The following FLOT1 variants were observed in gnomAD, a reference collection of about 807,000 sequenced individuals.
FLOT1 encodes flotillin 1.
A neutral mutation model predicts 58.4 loss-of-function variants in FLOT1; 40 were observed. The ratio of observed to expected loss-of-function variants is 0.69; its 90% CI spans 0.53 to 0.89. The LOEUF is 0.89. FLOT1 is among the 40% of genes least tolerant of loss of function. The pLI, the probability that FLOT1 is intolerant of heterozygous loss-of-function variation, is 0.00. For synonymous variants in FLOT1, 178 were observed against 204.2 expected (o/e 0.87, Z 1.09); for missense variants, 423 against 540.8 (o/e 0.78, Z 2.16).
chr6:30,737,246 G>GTCCGTCCGTCCA lies in FLOT1; in HGVS notation c.723+2911_723+2912insTGGACGGACGGA, dbSNP rs1554208614. On this transcript the variant is annotated intron_variant, in intron 8 of 12. Coordinates refer to ENST00000376389, the MANE Select transcript of FLOT1 (RefSeq NM_005803.4). This position sits in a 1 kb window ranked among gnomAD's most constrained non-coding sequence, Gnocchi z 4.4. Reference sequence around the variant, plus strand: ...CGTCCGTCCGTCCGTCCGTCCGTCCGTCCATCCGTCCATCCATCCATCCAT... The same window carrying GTCCGTCCGTCCA: ...CGTCCGTCCGTCCGTCCGTCCGTCCGTCCGTCCGTCCATCCATCCGTCCATCCATCCATCCAT... Among the ~76,000 whole-genome samples, 2 of 145,296 alleles carry GTCCGTCCGTCCA rather than the reference G, an allele frequency of 1.4e-5. No individual in the cohort carries two copies. Among genetic ancestry groups the GTCCGTCCGTCCA allele is most frequent in the Non-Finnish European group, 3.0e-5 (2 of 65,848 alleles).
chr6:30,731,485 C>CAAA (rs35667527), intron 8 of FLOT1, among the ~76,000 whole-genome samples: 6,397 of 83,474 alleles, frequency 0.077, 352 homozygotes, highest in African/African-American at 0.18. Context: ...ACTCCATCTC[C>CAAA]AAAAAAAAAA....
intron 12 of FLOT1, among the ~76,000 whole-genome samples, chr6:30,728,939 G>A (rs746695367): frequency 1.5e-4 from 23 of 151,658 alleles, no homozygotes; most frequent in Non-Finnish European, 2.8e-4. Context: ...ACACCGCCAC[G>A]CCCGGCTGTT....
chr6:30,730,224 T>G (rs919735765), intron 11 of FLOT1, 38 bp from the exon 12 acceptor site: 4 of 1,607,104 alleles, frequency 2.5e-6, no homozygotes, highest in African/African-American at 1.3e-5. Flanking sequence ...GCCCATGATC[T>G]GACCACATTC....
At chr6:30,730,352 A>G in intron 11 of FLOT1, 76 bp downstream of exon 11, 1 of 1,520,248 alleles carries the variant, frequency 6.6e-7, no homozygotes. Context: ...GTTTCTCCCT[A>G]AGCCCCTCAC....
chr6:30,729,987 T>C (rs1472797405), intron 12 of FLOT1, 35 bp downstream of exon 12: 3 of 1,602,116 alleles, frequency 1.9e-6, no homozygotes, highest in African/African-American at 1.4e-5. Flanking sequence ...CACAGGAACC[T>C]AGCAATTCTC....
intron 7 of FLOT1, 24 bp from the exon 8 acceptor site, chr6:30,740,334 G>A: frequency 6.2e-7 from 1 of 1,612,680 alleles, no homozygotes. Context: ...GATCAGGTAG[G>A]AAATGTCAGG....
chr6:30,729,955 C>T, intron 12 of FLOT1, 67 bp downstream of exon 12: 1 of 1,446,366 alleles, frequency 6.9e-7, no homozygotes, highest in Non-Finnish European at 9.7e-7. Context: ...TGGTTAAATG[C>T]TAGGCATACT....
Position 30,740,576 on chromosome 6 carries a change from A to G in FLOT1, c.490T>C (p.Leu164=). 1 of 1,612,964 alleles carries G rather than the reference A, an allele frequency of 6.2e-7. No individual in the cohort carries two copies. The highest frequency in any genetic ancestry group is 8.5e-7 in the Non-Finnish European group (1 of 1,180,008). ...IHDDQDYLHS[L]GKARTAQVQK... ...ACTTGAGCTGTTCGAGCCTTCCCCA[A>G]AGAGTGCAAATAGTCCTGTGGGAGA... The change falls in exon 7 of 13, where the codon TTG becomes CTG. Residue 164 remains leucine, a synonymous_variant. Coordinates refer to ENST00000376389, the MANE Select transcript of FLOT1 (RefSeq NM_005803.4).
In FLOT1 at chr6:30,737,254, G is replaced by GTCCATCCATCCATCCATCCATCCATCCA. The variant is rs1207078482; in HGVS notation, c.723+2903_723+2904insTGGATGGATGGATGGATGGATGGATGGA. 1.0e-4 allele frequency among the ~76,000 whole-genome samples: 15 copies of GTCCATCCATCCATCCATCCATCCATCCA among 143,232 alleles called. No homozygotes were observed. Among genetic ancestry groups the GTCCATCCATCCATCCATCCATCCATCCA allele is most frequent in the African/African-American group, 3.8e-4 (15 of 39,972 alleles). The allele number at this position is 143,232 out of a possible 152,430, so 94.0% of individuals were successfully genotyped here. A position where few individuals can be genotyped will look rare whatever the true frequency, so the allele number is the denominator to read the frequency against. ...CGTCCGTCCGTCCGTCCGTCCATCC[G>GTCCATCCATCCATCCATCCATCCATCCA]TCCATCCATCCATCCATATATCTAT... On this transcript the variant is annotated intron_variant, in intron 8 of 12. Transcript: ENST00000376389. This position sits in a 1 kb window ranked among gnomAD's most constrained non-coding sequence, Gnocchi z 4.4.
chr6:30,736,686 C>T (rs1177824164), intron 8 of FLOT1, among the ~76,000 whole-genome samples: 2 of 150,758 alleles, frequency 1.3e-5, no homozygotes, highest in East Asian at 2.0e-4. Flanking sequence ...CTCCGCCTCC[C>T]GGGTTTATGC....
Position 30,737,442 on chromosome 6 carries a change from T to C in FLOT1, c.723+2716A>G, listed in dbSNP as rs1014314292. On this transcript the variant is annotated intron_variant, in intron 8 of 12. Coordinates refer to ENST00000376389, the MANE Select transcript of FLOT1 (RefSeq NM_005803.4). This position sits in a 1 kb window ranked among gnomAD's most constrained non-coding sequence, Gnocchi z 4.4. ...CGGCTAATATTTTTTGTATTTTTGG[T>C]AGAGACAGGGTTTCACTGTTGGCCA... Among the ~76,000 whole-genome samples, 2 of 152,110 alleles carry C rather than the reference T, an allele frequency of 1.3e-5. No individual in the cohort carries two copies. Among genetic ancestry groups the C allele is most frequent in the Non-Finnish European group, 2.9e-5 (2 of 68,018 alleles).
At chr6:30,729,733 C>T (rs1246079085) in intron 12 of FLOT1, among the ~76,000 whole-genome samples, 2 of 152,216 alleles carry the variant, frequency 1.3e-5, no homozygotes, top group African/African-American at 4.8e-5. Flanking sequence ...ACCACAAGCA[C>T]AGGTTGCAGA....
chr6:30,739,993 G>A (rs1777851014), intron 8 of FLOT1, among the ~76,000 whole-genome samples, 165 bp downstream of exon 8: 1 of 152,200 alleles, frequency 6.6e-6, no homozygotes, highest in African/African-American at 2.4e-5. Flanking sequence ...CAGCTGTAAC[G>A]TCTGAGTCTT....
chr6:30,734,865 AC>A (rs1056695928), intron 8 of FLOT1, among the ~76,000 whole-genome samples: 2 of 151,962 alleles, frequency 1.3e-5, no homozygotes, highest in South Asian at 4.2e-4. Flanking sequence ...GATTACAGTC[AC>A]CATTTCAGCT....
Position 30,742,214 on chromosome 6 carries a change from G to C in FLOT1, c.-14-11C>G, listed in dbSNP as rs116089201. On this transcript the variant is annotated splice_polypyrimidine_tract_variant and intron_variant, in intron 1 of 12. Transcript: ENST00000376389. This position sits in a 1 kb window ranked among gnomAD's most constrained non-coding sequence, Gnocchi z 5.2. The stretch of plus-strand genomic sequence containing the variant: ...TGGTTCAGGCTGGAGCTGGAGGAGA[G>C]GGAGGGAAAGCCTTTGCGGATGGGG... 1 of 1,612,610 alleles carries C rather than the reference G, an allele frequency of 6.2e-7. No homozygotes were observed. Among genetic ancestry groups the C allele is most frequent in the East Asian group, 2.2e-5 (1 of 44,884 alleles).
chr6:30,740,999 C>G, intron 5 of FLOT1, 191 bp downstream of exon 5: 1 of 1,072,912 alleles, frequency 9.3e-7, no homozygotes, highest in Non-Finnish European at 1.3e-6. Flanking sequence ...GTTGGCTAGG[C>G]TGGTCTCGAA....
At chr6:30,735,945 C>CT (rs968330255) in intron 8 of FLOT1, among the ~76,000 whole-genome samples, 75 of 146,838 alleles carry the variant, frequency 5.1e-4, no homozygotes, top group South Asian at 1.1e-3. Context: ...TTTTCTCCAT[C>CT]TTTTTTTTTT....
rs761563736 is a variant in FLOT1, at chr6:30,737,703, A to G, written c.723+2455T>C. Among the ~76,000 whole-genome samples the G allele has an allele frequency of 6.6e-6, 1 of 152,104 alleles. No homozygotes were observed. The highest frequency in any genetic ancestry group is 1.5e-5 in the Non-Finnish European group (1 of 68,024). On this transcript the variant is annotated intron_variant, in intron 8 of 12. Transcript: ENST00000376389. The surrounding 1 kb of genome is among the most constrained non-coding windows in gnomAD (Gnocchi z 4.4). The stretch of plus-strand genomic sequence containing the variant: ...CTACCACCCGCTAACCTAATATACT[A>G]ACTCCCCTCCCACAGTTTTTCACAT...
At position 30,731,068 on chromosome 6, in the gene FLOT1, C is replaced by A. The variant is rs1461444881; in HGVS notation, c.756G>T (p.Gln252His). 6.2e-7 allele frequency: 1 copy of A among 1,609,934 alleles called. No individual in the cohort carries two copies. Among genetic ancestry groups the A allele is most frequent in the Non-Finnish European group, 8.5e-7 (1 of 1,179,662 alleles). The change falls in exon 9 of 13, where the codon CAG (glutamine) becomes CAT (histidine). Residue 252 changes from glutamine to histidine, a missense_variant. By Grantham distance (24) the Gln-to-His change is conservative. This residue lies in a region of FLOT1 where 137 missense variants were observed against 194.6 expected (regional missense o/e 0.70). Transcript: ENST00000376389. Reference sequence around the variant, plus strand: ...GCTCCACCACCTGCACCTGCACCCGCTGCTCCTCAATCTGCTGCTTAGTCT... The same window carrying A: ...GCTCCACCACCTGCACCTGCACCCGATGCTCCTCAATCTGCTGCTTAGTCT... ...VAKTKQQIEE[Q>H]RVQVQVVERA...
Sources: allele counts gnomAD v4.1 joint callset (sites outside exome capture counted in the v4.1 genomes callset), GRCh38; gene constraint gnomAD v4.1.1; regional missense constraint gnomAD v4.1.1; non-coding constraint Gnocchi (gnomAD v3.1); transcripts MANE v1.5; gene names NCBI Gene and HGNC (gene_info 2026-07-23, HGNC 2026-07-21).